The following PCDH9 variants were observed in gnomAD, a reference collection of about 807,000 sequenced individuals.
PCDH9 encodes the protein protocadherin 9, also known as protocadherin-9.
In PCDH9, 24 loss-of-function variants were observed where a neutral mutation model predicts 70.6. That is an observed-to-expected ratio of 0.34 (90% CI 0.25 to 0.48). The LOEUF (loss-of-function observed/expected upper bound fraction) is 0.48, where lower values mean the gene tolerates loss of function less well. PCDH9 is among the 20% of genes least tolerant of loss of function. PCDH9 has a pLI of 0.99. For missense variants in PCDH9, 1,281 were observed against 1,503.6 expected (o/e 0.85, Z 2.45); for synonymous variants, 562 against 558.5 (o/e 1.01, Z -0.09).
chr13:66,994,819 A>C (rs573020042), intron 2 of PCDH9, among the ~76,000 whole-genome samples: 1 of 152,346 alleles, frequency 6.6e-6, no homozygotes, highest in South Asian at 2.1e-4. Flanking sequence ...CTATATATAA[A>C]TATAAGCCAA....
chr13:66,858,917 T>C (rs1446886931), intron 3 of PCDH9: 1 of 152,200 alleles, frequency 6.6e-6, no homozygotes, highest in African/African-American at 2.4e-5. Flanking sequence ...CTGTTGTCTC[T>C]CCGACTTCCT....
Position 66,392,959 on chromosome 13 carries a change from T to A in PCDH9, c.3341-87931A>T, listed in dbSNP as rs553748139. Among the ~76,000 whole-genome samples, 81 of 152,176 alleles carry A rather than the reference T, an allele frequency of 5.3e-4. No homozygotes were observed. In the South Asian group the frequency reaches 9.7e-3, roughly 18 times the overall value. ...AGAGGAATAATTAATTTACTCCTTG[T>A]GTAAACAACATTGATAGCTTTTAAA... On this transcript the variant is annotated intron_variant, in intron 4 of 4. Coordinates refer to ENST00000377865, the MANE Select transcript of PCDH9 (RefSeq NM_203487.3).
intron 4 of PCDH9, among the ~76,000 whole-genome samples, chr13:66,374,600 C>T (rs972572435): frequency 1.3e-5 from 2 of 151,666 alleles, no homozygotes; most frequent in Non-Finnish European, 2.9e-5. Context: ...AAAATTTGCC[C>T]CAGTCACACA....
intron 4 of PCDH9, among the ~76,000 whole-genome samples, chr13:66,349,025 G>C (rs1314026076): frequency 6.6e-6 from 1 of 152,116 alleles, no homozygotes; most frequent in East Asian, 1.9e-4. Flanking sequence ...CTGCACATTA[G>C]AAGTATCTAG....
intron 2 of PCDH9, among the ~76,000 whole-genome samples, chr13:67,041,309 C>G (rs911665502): frequency 6.6e-6 from 1 of 152,074 alleles, no homozygotes; most frequent in South Asian, 2.1e-4. Flanking sequence ...CATTTTCAGA[C>G]CATAGTTCAC....
intron 2 of PCDH9, among the ~76,000 whole-genome samples, chr13:67,064,750 T>C (rs1299601167): frequency 4.6e-5 from 7 of 152,136 alleles, no homozygotes; most frequent in African/African-American, 7.2e-5. Context: ...TTTGTTGACA[T>C]TGCACACATT....
intron 2 of PCDH9, among the ~76,000 whole-genome samples, chr13:67,134,704 GC>G (rs2087188961): frequency 6.6e-6 from 1 of 152,046 alleles, no homozygotes; most frequent in African/African-American, 2.4e-5. Flanking sequence ...CTGCCAAACA[GC>G]AGCAAACACA....
At chr13:66,736,905 C>A (rs1419070914) in intron 3 of PCDH9, among the ~76,000 whole-genome samples, 2 of 152,148 alleles carry the variant, frequency 1.3e-5, no homozygotes, top group Middle Eastern at 3.2e-3. Flanking sequence ...CCCGATTCAA[C>A]CCTTAACTGC....
intron 4 of PCDH9, among the ~76,000 whole-genome samples, chr13:66,546,285 T>C (rs983478018): frequency 1.2e-4 from 19 of 152,180 alleles, no homozygotes; most frequent in South Asian, 4.2e-4. Context: ...TTATTGCTTC[T>C]GAAGACCTTC....
chr13:66,371,386 T>A (rs1259360741), intron 4 of PCDH9, among the ~76,000 whole-genome samples: 2 of 152,104 alleles, frequency 1.3e-5, no homozygotes, highest in African/African-American at 2.4e-5. Flanking sequence ...AAGAAAGATA[T>A]AATTTATAAT....
chr13:66,545,997 G>A (rs1028896655), intron 4 of PCDH9, among the ~76,000 whole-genome samples: 1 of 151,418 alleles, frequency 6.6e-6, no homozygotes, highest in Non-Finnish European at 1.5e-5. Flanking sequence ...CACCATGTCT[G>A]GCTATTTTTT....
chr13:66,468,431 A>C (rs953461858), intron 4 of PCDH9, among the ~76,000 whole-genome samples: 2 of 152,262 alleles, frequency 1.3e-5, no homozygotes, highest in African/African-American at 2.4e-5. Flanking sequence ...AAGGTAGATA[A>C]CTGTCATTTC....
intron 3 of PCDH9, among the ~76,000 whole-genome samples, chr13:66,868,268 A>G (rs1007613365): frequency 6.6e-6 from 1 of 152,058 alleles, no homozygotes; most frequent in African/African-American, 2.4e-5. Context: ...TAATTTTACC[A>G]TGACAAAATT....
At chr13:66,734,765 C>T (rs2079123624) in intron 3 of PCDH9, among the ~76,000 whole-genome samples, 2 of 152,262 alleles carry the variant, frequency 1.3e-5, no homozygotes, top group South Asian at 2.1e-4. Flanking sequence ...TCTCATATCT[C>T]ATATCAGGCT....
chr13:67,219,752 C>T (rs1315969579), intron 2 of PCDH9: 1 of 151,808 alleles, frequency 6.6e-6, no homozygotes, highest in South Asian at 2.1e-4. Context: ...AAAGGCCAAA[C>T]CTTTAAAAAT....
At chr13:67,084,997 A>AAATATATATATAT (rs1566414172) in intron 2 of PCDH9, among the ~76,000 whole-genome samples, 1 of 33,202 alleles carries the variant, frequency 3.0e-5, no homozygotes, top group African/African-American at 1.2e-4. Context: ...AAAAAAAAAA[A>AAATATATATATAT]ATATATATAT....
At chr13:67,001,171 G>T (rs2084236854) in intron 2 of PCDH9, among the ~76,000 whole-genome samples, 1 of 152,128 alleles carries the variant, frequency 6.6e-6, no homozygotes, top group South Asian at 2.1e-4. Context: ...CGATAAGCTT[G>T]TTTTTATAAC....
At chr13:66,933,883 T>C (rs1460239594) in intron 2 of PCDH9, among the ~76,000 whole-genome samples, 1 of 60,308 alleles carries the variant, frequency 1.7e-5, no homozygotes, top group Non-Finnish European at 3.2e-5. Context: ...TATAAAAACA[T>C]AAGCTAGGCA....
At chr13:66,623,349 G>A (rs1360903648) in intron 4 of PCDH9, among the ~76,000 whole-genome samples, 1 of 152,210 alleles carries the variant, frequency 6.6e-6, no homozygotes, top group African/African-American at 2.4e-5. Flanking sequence ...TTCACTGAAG[G>A]ATGTTTTTCT....
Sources: gnomAD v4.1 joint callset for allele counts (sites outside exome capture counted in the v4.1 genomes callset) on GRCh38, gnomAD v4.1.1 for gene constraint, MANE v1.5 for transcripts, NCBI Gene and HGNC (gene_info 2026-07-23, HGNC 2026-07-21) for gene names.